Variants in RELN observed in about 807,000 individuals in gnomAD.
RELN encodes the protein reelin.
In RELN, 108 loss-of-function variants were observed where a neutral mutation model predicts 427.6. The ratio of observed to expected loss-of-function variants is 0.25; its 90% CI spans 0.22 to 0.30. RELN has a LOEUF of 0.30. Ranked by LOEUF, RELN falls within the 10% of genes least tolerant of loss-of-function variation. The pLI is 1.00. For missense variants in RELN, 3,715 were observed against 4,302.8 expected (o/e 0.86, Z 3.82); for synonymous variants, 1,524 against 1,513.4 (o/e 1.01, Z -0.16).
At chr7:103,682,766 A>G (rs553848940) in intron 10 of RELN, among the ~76,000 whole-genome samples, 110 of 152,342 alleles carry the variant, frequency 7.2e-4, no homozygotes, top group Non-Finnish European at 1.1e-3. Flanking sequence ...GTAAACCCAG[A>G]TATAATCACA....
intron 42 of RELN, among the ~76,000 whole-genome samples, chr7:103,543,594 C>T (rs114967298): frequency 0.018 from 2,658 of 151,870 alleles, 82 homozygotes; most frequent in African/African-American, 0.061. Context: ...GGCAGTTAGC[C>T]GAAGATTGTG....
intron 16 of RELN, among the ~76,000 whole-genome samples, chr7:103,650,071 C>T (rs1832880706): frequency 1.5e-5 from 2 of 136,956 alleles, no homozygotes; most frequent in African/African-American, 2.8e-5. Context: ...TCTAATACTG[C>T]TGACTTCACT....
intron 1 of RELN, among the ~76,000 whole-genome samples, chr7:103,940,198 C>G (rs151222698): frequency 6.6e-5 from 10 of 152,134 alleles, no homozygotes; most frequent in African/African-American, 2.4e-4. Context: ...AAAGCAAAAG[C>G]GCTCCAAGAC....
rs562731078 is a variant in RELN, at chr7:103,510,247, A to C, written c.8274+604T>G. 3.3e-5 allele frequency among the ~76,000 whole-genome samples: 5 copies of C among 152,390 alleles called. No individual in the cohort carries two copies. The East Asian group carries it at 7.7e-4, about 23-fold the overall frequency. On this transcript the variant is annotated intron_variant, in intron 51 of 64. Coordinates refer to ENST00000428762, the MANE Select transcript of RELN (RefSeq NM_005045.4). The stretch of plus-strand genomic sequence containing the variant: ...AAGACTTGGAACCAACCAAATGCCC[A>C]TCAATGATAGACTGGATAAAGAAAA...
At chr7:103,823,405 C>A (rs899720921) in intron 3 of RELN, among the ~76,000 whole-genome samples, 1 of 151,856 alleles carries the variant, frequency 6.6e-6, no homozygotes, top group Non-Finnish European at 1.5e-5. Context: ...TAAATTTACC[C>A]TTTTCCTTTA....
At position 103,593,835 on chromosome 7, in the gene RELN, A is replaced by T; in HGVS notation, c.3759T>A (p.Ser1253Arg). 2 of 1,613,972 alleles carry T rather than the reference A, an allele frequency of 1.2e-6. No individual in the cohort carries two copies. The highest frequency in any genetic ancestry group is 8.5e-7 in the Non-Finnish European group (1 of 1,179,916). Residue 1253 changes from serine to arginine, a missense_variant, in exon 27 of 65, where the codon AGT becomes AGA. By Grantham distance (110) the Ser-to-Arg change is moderately radical (BLOSUM62 -1). Around this residue, in one of 4 missense-constraint regions of RELN, gnomAD observed 2,208 missense variants for 2,361.7 expected, o/e 0.93. Transcript: ENST00000428762. ...PAFDYPMNQM[S>R]VWLMLANEGM... ...CTTCATTAGCCAACATCAACCACAC[A>T]CTCATCTGATTCATAGGGTAATCAA...
chr7:103,864,002 C>G (rs1373727022), intron 2 of RELN, among the ~76,000 whole-genome samples: 2 of 152,090 alleles, frequency 1.3e-5, no homozygotes, highest in Non-Finnish European at 2.9e-5. Context: ...GATGCTCACA[C>G]TACTGGAGCC....
chr7:103,662,290 A>G (rs903587018), intron 11 of RELN, among the ~76,000 whole-genome samples: 1 of 152,236 alleles, frequency 6.6e-6, no homozygotes, highest in African/African-American at 2.4e-5. Flanking sequence ...CCACAGTTGC[A>G]TAATGTGTTG....
chr7:103,742,080 C>A (rs370881697), intron 6 of RELN, among the ~76,000 whole-genome samples: 1 of 152,134 alleles, frequency 6.6e-6, no homozygotes, highest in Non-Finnish European at 1.5e-5. Context: ...TCCACAGGAA[C>A]GATCAGGCAG....
chr7:103,708,223 C>A (rs1191258133), intron 8 of RELN, among the ~76,000 whole-genome samples: 2 of 152,140 alleles, frequency 1.3e-5, no homozygotes, highest in Non-Finnish European at 2.9e-5. Flanking sequence ...TCAATCAATT[C>A]ATCAATGAGT....
intron 1 of RELN, among the ~76,000 whole-genome samples, chr7:103,958,528 G>A (rs1339678725): frequency 6.6e-6 from 1 of 152,070 alleles, no homozygotes; most frequent in Non-Finnish European, 1.5e-5. Context: ...AGAACATGTA[G>A]GGGAAAATCT....
intron 1 of RELN, among the ~76,000 whole-genome samples, chr7:103,922,420 C>A (rs1009889856): frequency 6.6e-6 from 1 of 151,966 alleles, no homozygotes; most frequent in Non-Finnish European, 1.5e-5. Flanking sequence ...CACCATTATC[C>A]TCACTCTTAA....
intron 8 of RELN, among the ~76,000 whole-genome samples, chr7:103,705,377 G>A (rs1014158645): frequency 2.6e-5 from 4 of 152,096 alleles, no homozygotes; most frequent in African/African-American, 7.2e-5. Context: ...AAACACTTTC[G>A]TGTTTAGGAA....
chr7:103,635,865 T>A (rs1584364092), intron 18 of RELN, among the ~76,000 whole-genome samples: 1 of 152,334 alleles, frequency 6.6e-6, no homozygotes, highest in South Asian at 2.1e-4. Flanking sequence ...CAATCACTTC[T>A]TTACTGCATT....
At chr7:103,977,835 C>A (rs1252620030) in intron 1 of RELN, among the ~76,000 whole-genome samples, 2 of 152,206 alleles carry the variant, frequency 1.3e-5, no homozygotes, top group Non-Finnish European at 2.9e-5. Context: ...AGTACCCTGA[C>A]ACACCTGCCA....
At chr7:103,896,241 T>C (rs1227214612) in intron 2 of RELN, among the ~76,000 whole-genome samples, 1 of 152,024 alleles carries the variant, frequency 6.6e-6, no homozygotes, top group East Asian at 1.9e-4. Context: ...TGTTAAAAGG[T>C]ACACCATTTT....
chr7:103,597,686 G>A (rs961021533), intron 24 of RELN, among the ~76,000 whole-genome samples: 7 of 152,168 alleles, frequency 4.6e-5, no homozygotes, highest in Non-Finnish European at 7.3e-5. Context: ...GAAGTTAGGA[G>A]AGATCATTTA....
At chr7:103,832,756 T>C (rs1793305195) in intron 3 of RELN, among the ~76,000 whole-genome samples, 1 of 152,118 alleles carries the variant, frequency 6.6e-6, no homozygotes, top group Non-Finnish European at 1.5e-5. Flanking sequence ...TGAAAGCACC[T>C]GGGAGAGTTG....
intron 45 of RELN, among the ~76,000 whole-genome samples, chr7:103,536,014 G>A (rs999778035): frequency 3.4e-4 from 52 of 152,160 alleles, no homozygotes; most frequent in African/African-American, 1.2e-3. Flanking sequence ...TGTTCAAACT[G>A]TTAATAAATT....
Sources: allele counts gnomAD v4.1 joint callset (sites outside exome capture counted in the v4.1 genomes callset), GRCh38; gene constraint gnomAD v4.1.1; regional missense constraint gnomAD v4.1.1; transcripts MANE v1.5; gene names NCBI Gene and HGNC (gene_info 2026-07-23, HGNC 2026-07-21).